Variants in RPS6KA5 observed in about 807,000 individuals in gnomAD.
RPS6KA5 encodes ribosomal protein S6 kinase A5.
In RPS6KA5, 27 loss-of-function variants were observed where a neutral mutation model predicts 85.5. That is an observed-to-expected ratio of 0.32 (90% CI 0.23 to 0.44). The LOEUF (loss-of-function observed/expected upper bound fraction) is 0.44. Among genes scored for constraint, RPS6KA5 ranks in the 20% least tolerant of loss-of-function variants. RPS6KA5 has a pLI of 1.00. For synonymous variants in RPS6KA5, 334 were observed against 348.2 expected, an observed-to-expected ratio of 0.96 and a Z score of 0.46; for missense variants, 811 against 980.9, an observed-to-expected ratio of 0.83 and a Z score of 2.31.
At chr14:90,908,955 G>A (rs919152193) in intron 7 of RPS6KA5, among the ~76,000 whole-genome samples, 1 of 152,222 alleles carries the variant, frequency 6.6e-6, no homozygotes, top group Non-Finnish European at 1.5e-5. Flanking sequence ...TGTGTGGGCT[G>A]GGAAGCCACG....
At chr14:90,974,825 G>A (rs142728176) in intron 3 of RPS6KA5, among the ~76,000 whole-genome samples, 5 of 152,300 alleles carry the variant, frequency 3.3e-5, no homozygotes, top group African/African-American at 1.2e-4. Context: ...GCCAACCCAT[G>A]GGATCATGAG....
intron 1 of RPS6KA5, among the ~76,000 whole-genome samples, chr14:91,024,378 T>C (rs1323689110): frequency 6.6e-6 from 1 of 152,218 alleles, no homozygotes; most frequent in African/African-American, 2.4e-5. Flanking sequence ...TGGAGTATTA[T>C]ATTCCTGTTT....
chr14:91,058,195 G>A (rs1756868685), intron 1 of RPS6KA5, among the ~76,000 whole-genome samples: 1 of 152,096 alleles, frequency 6.6e-6, no homozygotes, highest in South Asian at 2.1e-4. Flanking sequence ...ACTATATCCG[G>A]TCAGTTGTTC....
At chr14:91,017,870 C>G (rs1412735959) in intron 1 of RPS6KA5, among the ~76,000 whole-genome samples, 3 of 152,208 alleles carry the variant, frequency 2.0e-5, no homozygotes, top group African/African-American at 7.2e-5. Flanking sequence ...CCACTTTGGG[C>G]TCCTTATGCC....
chr14:91,000,961 G>C, intron 2 of RPS6KA5, 127 bp downstream of exon 2: 2 of 570,144 alleles, frequency 3.5e-6, no homozygotes, highest in East Asian at 6.1e-5. Context: ...CATGTTCTTT[G>C]ACAGTTCTCC....
intron 8 of RPS6KA5, among the ~76,000 whole-genome samples, chr14:90,905,914 A>G (rs1282765524): frequency 6.6e-6 from 1 of 151,816 alleles, no homozygotes; most frequent in South Asian, 2.1e-4. Flanking sequence ...GATCCTCCCC[A>G]CTCCCACTCC....
chr14:90,927,851 T>G (rs2140310339), intron 5 of RPS6KA5, among the ~76,000 whole-genome samples: 1 of 152,070 alleles, frequency 6.6e-6, no homozygotes, highest in South Asian at 2.1e-4. Flanking sequence ...TTCATGAAAA[T>G]ATACAAAATC....
At chr14:90,875,414 C>T (rs1312174733) in intron 14 of RPS6KA5, 54 bp from the exon 15 acceptor site, 3 of 1,500,260 alleles carry the variant, frequency 2.0e-6, no homozygotes, top group East Asian at 2.3e-5. Context: ...GTTAAAGCCA[C>T]TCTAATAATC....
chr14:91,054,063 TA>T lies in RPS6KA5; in HGVS notation c.103+6268del, dbSNP rs780372135. Among the ~76,000 whole-genome samples, 111 of 152,320 alleles carry T rather than the reference TA, an allele frequency of 7.3e-4. 1 individual carries two copies. The highest frequency in any genetic ancestry group is 2.9e-4 in the Non-Finnish European group (20 of 68,026). ...ACATCTATAGTCAACTGATTTTCAA[TA>T]AGGGTGCCAAGACATTAAAATGGAG... On this transcript the variant is annotated intron_variant, in intron 1 of 16. Transcript: ENST00000614987.
chr14:90,967,875 A>C (rs1163297852), intron 3 of RPS6KA5, among the ~76,000 whole-genome samples: 15 of 152,118 alleles, frequency 9.9e-5, no homozygotes, highest in Admixed American at 9.8e-4. Context: ...ATCCTCCCTA[A>C]ATCCCACGTG....
chr14:90,958,622 A>G (rs1037343722), intron 3 of RPS6KA5, among the ~76,000 whole-genome samples: 1 of 152,132 alleles, frequency 6.6e-6, no homozygotes, highest in East Asian at 1.9e-4. Flanking sequence ...TTAAAAGAAT[A>G]TATCTTCCTA....
intron 3 of RPS6KA5, among the ~76,000 whole-genome samples, chr14:90,957,798 C>T (rs1361126157): frequency 6.6e-6 from 1 of 151,862 alleles, no homozygotes; most frequent in Non-Finnish European, 1.5e-5. Context: ...TCTTAAATTG[C>T]TTACCACCAA....
intron 2 of RPS6KA5, among the ~76,000 whole-genome samples, chr14:91,000,178 T>C (rs1236196476): frequency 6.6e-6 from 1 of 152,232 alleles, no homozygotes; most frequent in East Asian, 1.9e-4. Flanking sequence ...TAGATATTTA[T>C]ATTTATTCAT....
intron 1 of RPS6KA5, among the ~76,000 whole-genome samples, chr14:91,054,993 G>A (rs1394251984): frequency 6.6e-6 from 1 of 152,042 alleles, no homozygotes; most frequent in Non-Finnish European, 1.5e-5. Context: ...CTGGGCAAAG[G>A]ATCTGAATCA....
At chr14:90,885,552 C>CAAAAAAAAAAA (rs780292114) in intron 14 of RPS6KA5, among the ~76,000 whole-genome samples, 2 of 19,876 alleles carry the variant, frequency 1.0e-4, no homozygotes, top group Non-Finnish European at 1.5e-4. Flanking sequence ...GACTCCGTCT[C>CAAAAAAAAAAA]AAAAAAAAAA....
chr14:90,878,650 T>C (rs2033631956), intron 14 of RPS6KA5, among the ~76,000 whole-genome samples: 1 of 152,218 alleles, frequency 6.6e-6, no homozygotes, highest in East Asian at 1.9e-4. Context: ...TAATTCTCAT[T>C]CTGCAGAGCA....
Position 91,058,910 on chromosome 14 carries a change from T to C in RPS6KA5, c.103+1422A>G, listed in dbSNP as rs537523780. On this transcript the variant is annotated intron_variant, in intron 1 of 16. Coordinates refer to ENST00000614987, the MANE Select transcript of RPS6KA5 (RefSeq NM_004755.4). ...ATGGAATGCTTATAGGCAATCTCAG[T>C]AGAAATAACAAAAACTGAAAGAACT... is the stretch of plus-strand genomic sequence containing the variant. 8.2e-4 allele frequency among the ~76,000 whole-genome samples: 125 copies of C among 152,352 alleles called. 3 individuals carry two copies. The South Asian group carries it at 0.012, about 14-fold the overall frequency.
intron 1 of RPS6KA5, among the ~76,000 whole-genome samples, chr14:91,034,573 C>T (rs1200240668): frequency 1.3e-5 from 2 of 152,106 alleles, no homozygotes; most frequent in South Asian, 2.1e-4. Flanking sequence ...ATGGACCAAT[C>T]GGTACTCTGT....
intron 1 of RPS6KA5, among the ~76,000 whole-genome samples, chr14:91,038,837 T>C (rs982782226): frequency 1.3e-5 from 2 of 152,212 alleles, no homozygotes; most frequent in Non-Finnish European, 2.9e-5. Flanking sequence ...TTTAGCCCAG[T>C]TGACACAGTA....
Sources: allele counts gnomAD v4.1 joint callset (sites outside exome capture counted in the v4.1 genomes callset), GRCh38; gene constraint gnomAD v4.1.1; transcripts MANE v1.5; gene names NCBI Gene and HGNC (gene_info 2026-07-23, HGNC 2026-07-21).